Variants in GPC5 observed in about 807,000 individuals in gnomAD.
The protein encoded by GPC5 is glypican 5.
GPC5 carries 47 observed loss-of-function variants against 53.9 expected under a neutral mutation model. The ratio of observed to expected loss-of-function variants is 0.87; its 90% CI spans 0.69 to 1.11. The LOEUF (loss-of-function observed/expected upper bound fraction) is 1.11. Among genes scored for constraint, GPC5 ranks in the 50% most tolerant of loss-of-function variants. The pLI, the probability that GPC5 is intolerant of heterozygous loss-of-function variation, is 0.00. For missense variants in GPC5, 748 were observed against 713.1 expected (o/e 1.05, Z -0.56); for synonymous variants, 286 against 263.3 (o/e 1.09, Z -0.84).
rs1456219381 is a variant in GPC5 at position 92,319,203 on chromosome 13, A to C, written c.1561+174214A>C. On this transcript the variant is annotated intron_variant, in intron 7 of 7. Transcript: ENST00000377067. Reference sequence around the variant, plus strand: ...AATAATATCTGTTGTATTTCTAACAAGTGAGGATTTGAATATGCAGTTGTT... The same window carrying C: ...AATAATATCTGTTGTATTTCTAACACGTGAGGATTTGAATATGCAGTTGTT... Among the ~76,000 whole-genome samples, 4 of 152,276 alleles carry C rather than the reference A, an allele frequency of 2.6e-5. No individual in the cohort carries two copies. The South Asian group carries it at 8.3e-4, about 32-fold the overall frequency.
chr13:92,079,834 C>G (rs1207682969), intron 6 of GPC5, among the ~76,000 whole-genome samples: 1 of 152,206 alleles, frequency 6.6e-6, no homozygotes, highest in Non-Finnish European at 1.5e-5. Flanking sequence ...CCTCACCTGC[C>G]TCTCGCTTGC....
At chr13:92,007,736 C>T (rs2040620133) in intron 6 of GPC5, among the ~76,000 whole-genome samples, 1 of 152,100 alleles carries the variant, frequency 6.6e-6, no homozygotes, top group South Asian at 2.1e-4. Context: ...CTCCTACTTG[C>T]TTTCCACTTT....
At chr13:91,457,140 G>A (rs995284354) in intron 2 of GPC5, among the ~76,000 whole-genome samples, 5 of 151,868 alleles carry the variant, frequency 3.3e-5, no homozygotes, top group African/African-American at 1.2e-4. Context: ...TTACTTGCCA[G>A]CTTTTTTGAT....
rs1879121356 is a variant in GPC5, at chr13:92,476,210, A to C, written c.1561+331221A>C. On this transcript the variant is annotated intron_variant, in intron 7 of 7. Coordinates refer to ENST00000377067, the MANE Select transcript of GPC5 (RefSeq NM_004466.6). ...ACAAATTTACAAGAAAAAAACAAAC[A>C]ACCCCATCAAAAAGTGGGCAAAGGA... is the stretch of plus-strand genomic sequence containing the variant. 2.0e-5 allele frequency among the ~76,000 whole-genome samples: 3 copies of C among 152,164 alleles called. No homozygotes were observed. The South Asian group carries it at 6.2e-4, about 32-fold the overall frequency.
chr13:92,391,302 T>C (rs9561033), intron 7 of GPC5, among the ~76,000 whole-genome samples: 7,528 of 152,240 alleles, frequency 0.049, 281 homozygotes, highest in South Asian at 0.15. Flanking sequence ...TCTATTAGTT[T>C]TGAATTTTTA....
At chr13:92,474,131 T>G (rs1264619707) in intron 7 of GPC5, among the ~76,000 whole-genome samples, 2 of 142,546 alleles carry the variant, frequency 1.4e-5, no homozygotes, top group African/African-American at 5.3e-5. Flanking sequence ...GCTTTCAAAT[T>G]AATAGCCATT....
At chr13:91,570,660 T>A (rs1174656867) in intron 2 of GPC5, among the ~76,000 whole-genome samples, 1 of 152,194 alleles carries the variant, frequency 6.6e-6, no homozygotes, top group South Asian at 2.1e-4. Context: ...ATGTTAGAGC[T>A]TGAATTTGAA....
At chr13:92,452,561 G>C in intron 7 of GPC5, among the ~76,000 whole-genome samples, 1 of 137,776 alleles carries the variant, frequency 7.3e-6, no homozygotes, top group African/African-American at 2.6e-5. Context: ...AAGGTATAAT[G>C]ATTACTCCAA....
At chr13:91,907,663 T>C (rs1287635891) in intron 5 of GPC5, among the ~76,000 whole-genome samples, 2 of 151,618 alleles carry the variant, frequency 1.3e-5, no homozygotes, top group Admixed American at 6.6e-5. Flanking sequence ...TAACTCTTTG[T>C]AGCATATTGT....
intron 2 of GPC5, among the ~76,000 whole-genome samples, chr13:91,613,159 A>G (rs542800351): frequency 2.2e-4 from 34 of 152,310 alleles, no homozygotes; most frequent in African/African-American, 7.7e-4. Flanking sequence ...ATATGACATT[A>G]CAGATTGTTT....
chr13:91,987,301 A>G (rs2040417976), intron 6 of GPC5, among the ~76,000 whole-genome samples: 1 of 152,184 alleles, frequency 6.6e-6, no homozygotes, highest in African/African-American at 2.4e-5. Flanking sequence ...ACTATTTACA[A>G]ACATAATGAA....
chr13:92,861,389 C>T (rs1461853732), intron 7 of GPC5, among the ~76,000 whole-genome samples: 1 of 152,130 alleles, frequency 6.6e-6, no homozygotes, highest in East Asian at 1.9e-4. Context: ...TGTACCCTTG[C>T]CCAACTGGTT....
chr13:91,749,042 A>T (rs920015774), intron 4 of GPC5, among the ~76,000 whole-genome samples: 1 of 151,946 alleles, frequency 6.6e-6, no homozygotes, highest in Non-Finnish European at 1.5e-5. Context: ...TTATTTTTTT[A>T]ATTTTTTATA....
At chr13:91,926,854 A>G (rs1368627251) in intron 6 of GPC5, among the ~76,000 whole-genome samples, 1 of 152,206 alleles carries the variant, frequency 6.6e-6, no homozygotes, top group East Asian at 1.9e-4. Context: ...ACAGTACAGT[A>G]CAAAAGTACT....
chr13:91,885,817 T>C (rs2039315838), intron 5 of GPC5, among the ~76,000 whole-genome samples: 1 of 152,198 alleles, frequency 6.6e-6, no homozygotes, highest in African/African-American at 2.4e-5. Context: ...CTAAATGCCA[T>C]GTGTTTCTAC....
At chr13:92,852,857 C>G (rs751280956) in intron 7 of GPC5, among the ~76,000 whole-genome samples, 3 of 152,090 alleles carry the variant, frequency 2.0e-5, no homozygotes, top group Non-Finnish European at 4.4e-5. Flanking sequence ...ACAGAGTCAC[C>G]TGGACTAAAA....
chr13:91,899,257 G>A (rs1303971659), intron 5 of GPC5, among the ~76,000 whole-genome samples: 1 of 151,972 alleles, frequency 6.6e-6, no homozygotes, highest in African/African-American at 2.4e-5. Context: ...CATCATTTTT[G>A]CTAGGAGGTA....
chr13:92,242,232 CAA>C (rs752173365), intron 7 of GPC5, among the ~76,000 whole-genome samples: 2,452 of 81,780 alleles, frequency 0.03, 51 homozygotes, highest in African/African-American at 0.086. Flanking sequence ...GACTCTGTCT[CAA>C]AAAAAAAAAA....
At chr13:92,360,018 A>G (rs916361737) in intron 7 of GPC5, among the ~76,000 whole-genome samples, 9 of 151,536 alleles carry the variant, frequency 5.9e-5, no homozygotes, top group African/African-American at 2.2e-4. Flanking sequence ...CTCCCATTCT[A>G]TATGTTGTCT....
Sources: gnomAD v4.1 joint callset for allele counts (sites outside exome capture counted in the v4.1 genomes callset) on GRCh38, gnomAD v4.1.1 for gene constraint, MANE v1.5 for transcripts, NCBI Gene and HGNC (gene_info 2026-07-23, HGNC 2026-07-21) for gene names.